The following MINDY4B variants were observed in gnomAD, a reference collection of about 807,000 sequenced individuals.
MINDY4B encodes inactive ubiquitin carboxyl-terminal hydrolase MINDY-4B.
MINDY4B carries 25 observed loss-of-function variants against 16.7 expected under a neutral mutation model. That is an observed-to-expected ratio of 1.49 (90% CI 1.09 to 2.09). MINDY4B has a LOEUF of 2.09. Ranked by LOEUF, MINDY4B falls within the 30% of genes most tolerant of loss-of-function variation. The pLI, the probability that MINDY4B is intolerant of heterozygous loss-of-function variation, is 0.00. For missense variants in MINDY4B, 327 were observed against 168.4 expected (o/e 1.94, Z -5.21); for synonymous variants, 132 against 61.9 (o/e 2.13, Z -5.32).
At chr3:150,899,408 C>A (rs994267770) in intron 3 of MINDY4B, among the ~76,000 whole-genome samples, 2 of 152,174 alleles carry the variant, frequency 1.3e-5, no homozygotes, top group African/African-American at 4.8e-5. Flanking sequence ...ACCACAATGG[C>A]TAATGCAGTG....
intron 5 of MINDY4B, among the ~76,000 whole-genome samples, chr3:150,891,438 A>G (rs1202583558): frequency 6.6e-6 from 1 of 152,216 alleles, no homozygotes; most frequent in Non-Finnish European, 1.5e-5. Flanking sequence ...TGATTTATAC[A>G]ATCCGTCTAG....
chr3:150,905,146 C>T (rs1712209806), intron 1 of MINDY4B, 57 bp from the exon 2 acceptor site: 1 of 398,332 alleles, frequency 2.5e-6, no homozygotes, highest in Non-Finnish European at 4.4e-6. Flanking sequence ...AACCTCACAT[C>T]CACAAACCTC....
At chr3:150,879,980 C>G (rs553910888) in intron 10 of MINDY4B, among the ~76,000 whole-genome samples, 1 of 152,346 alleles carries the variant, frequency 6.6e-6, no homozygotes, top group African/African-American at 2.4e-5. Flanking sequence ...CTGAATAAAG[C>G]ACTATAACAT....
intron 10 of MINDY4B, among the ~76,000 whole-genome samples, chr3:150,881,769 A>G (rs1201287913): frequency 6.6e-6 from 1 of 152,206 alleles, no homozygotes; most frequent in Non-Finnish European, 1.5e-5. Flanking sequence ...ATGAACAAAG[A>G]ATACAAACTC....
intron 7 of MINDY4B, among the ~76,000 whole-genome samples, chr3:150,888,746 T>A (rs759752864): frequency 3.3e-5 from 5 of 152,220 alleles, no homozygotes; most frequent in African/African-American, 7.2e-5. Context: ...CACTTCTGTG[T>A]AGGGCCTTGA....
chr3:150,884,705 C>T (rs1711579955), intron 8 of MINDY4B, among the ~76,000 whole-genome samples: 1 of 152,136 alleles, frequency 6.6e-6, no homozygotes, highest in African/African-American at 2.4e-5. Context: ...GTAATCCTTC[C>T]CTCCTGAGAG....
intron 3 of MINDY4B, among the ~76,000 whole-genome samples, chr3:150,897,854 G>A (rs1712018063): frequency 6.6e-6 from 1 of 152,210 alleles, no homozygotes; most frequent in Admixed American, 6.5e-5. Context: ...CTTGGTGTGT[G>A]CTATGGTCAA....
At chr3:150,883,364 T>C (rs1342999310) in intron 9 of MINDY4B, among the ~76,000 whole-genome samples, 4 of 152,226 alleles carry the variant, frequency 2.6e-5, no homozygotes, top group African/African-American at 9.7e-5. Context: ...GAAGCTAAGA[T>C]GTTTTTTAGC....
intron 3 of MINDY4B, among the ~76,000 whole-genome samples, chr3:150,895,478 T>C (rs1226813794): frequency 6.6e-6 from 1 of 152,152 alleles, no homozygotes; most frequent in African/African-American, 2.4e-5. Context: ...TGTTTTGTTT[T>C]GTTTTGAGAC....
intron 10 of MINDY4B, among the ~76,000 whole-genome samples, chr3:150,874,534 AAG>A (rs1372214378): frequency 2.4e-5 from 1 of 41,566 alleles, no homozygotes; most frequent in Non-Finnish European, 5.5e-5. Context: ...TTTCAACTTA[AAG>A]AGATAAACAT....
chr3:150,892,600 G>T (rs1292495136), intron 5 of MINDY4B, among the ~76,000 whole-genome samples: 2 of 152,080 alleles, frequency 1.3e-5, no homozygotes, highest in Non-Finnish European at 2.9e-5. Context: ...AACTTGAGCT[G>T]ATCTTTAAAA....
At chr3:150,873,603 A>T (rs527295686) in intron 10 of MINDY4B, among the ~76,000 whole-genome samples, 1 of 152,332 alleles carries the variant, frequency 6.6e-6, no homozygotes, top group East Asian at 1.9e-4. Flanking sequence ...TTATATTAAA[A>T]TTTTTTTGGT....
intron 10 of MINDY4B, among the ~76,000 whole-genome samples, chr3:150,875,872 C>G (rs996800932): frequency 6.6e-6 from 1 of 152,186 alleles, no homozygotes. Flanking sequence ...AAAAACAAAA[C>G]AAAGCACCTT....
intron 7 of MINDY4B, among the ~76,000 whole-genome samples, chr3:150,885,904 C>T (rs997438348): frequency 2.0e-5 from 3 of 152,190 alleles, no homozygotes; most frequent in African/African-American, 7.2e-5. Flanking sequence ...CTCCTACTTA[C>T]TAACTTCTTT....
chr3:150,884,096 A>G (rs528263428), intron 8 of MINDY4B, among the ~76,000 whole-genome samples: 113 of 152,340 alleles, frequency 7.4e-4, no homozygotes, highest in African/African-American at 2.5e-3. Context: ...CACTTGGCTC[A>G]GGGTGGTGAC....
intron 8 of MINDY4B, among the ~76,000 whole-genome samples, chr3:150,885,040 C>T (rs1031101172): frequency 6.6e-6 from 1 of 152,152 alleles, no homozygotes; most frequent in East Asian, 1.9e-4. Context: ...TGAGGATATA[C>T]CTTATCATGG....
intron 10 of MINDY4B, among the ~76,000 whole-genome samples, chr3:150,876,216 C>T (rs1711496942): frequency 6.6e-6 from 1 of 152,218 alleles, no homozygotes; most frequent in Non-Finnish European, 1.5e-5. Flanking sequence ...CTTTTCATAA[C>T]ACATATCATT....
intron 3 of MINDY4B, among the ~76,000 whole-genome samples, chr3:150,895,926 T>C (rs1377380996): frequency 6.6e-6 from 1 of 152,208 alleles, no homozygotes; most frequent in African/African-American, 2.4e-5. Flanking sequence ...TTTTCCTCTA[T>C]TATTCCCCCA....
intron 7 of MINDY4B, 54 bp from the exon 8 acceptor site, chr3:150,885,492 G>C (rs1711599267): frequency 1.4e-6 from 1 of 694,346 alleles, no homozygotes; most frequent in Non-Finnish European, 2.6e-6. Context: ...ACAGACACGT[G>C]TATCTGTGGG....
Sources: gnomAD v4.1 joint callset for allele counts (sites outside exome capture counted in the v4.1 genomes callset) on GRCh38, gnomAD v4.1.1 for gene constraint, MANE v1.5 for transcripts, NCBI Gene and HGNC (gene_info 2026-07-23, HGNC 2026-07-21) for gene names.